The following TRAPPC8 variants were observed in gnomAD, a reference collection of about 807,000 sequenced individuals.
The protein encoded by TRAPPC8 is general sporulation gene 1 homolog.
In TRAPPC8, 54 loss-of-function variants were observed where a neutral mutation model predicts 174.3. That is an observed-to-expected ratio of 0.31 (90% CI 0.25 to 0.39). The LOEUF (loss-of-function observed/expected upper bound fraction) is 0.39. Ranked by LOEUF, TRAPPC8 falls within the 10% of genes least tolerant of loss-of-function variation. The pLI is 1.00. For synonymous variants in TRAPPC8, 630 were observed against 579.9 expected (o/e 1.09, Z -1.24); for missense variants, 1,531 against 1,699.1 (o/e 0.90, Z 1.74).
chr18:31,852,057 A>C (rs923327367), intron 24 of TRAPPC8, among the ~76,000 whole-genome samples: 12 of 152,094 alleles, frequency 7.9e-5, no homozygotes, highest in African/African-American at 1.9e-4. Context: ...GAGTCTGAGG[A>C]GGCTGGGTGC....
At chr18:31,880,054 G>C (rs1317999004) in intron 12 of TRAPPC8, among the ~76,000 whole-genome samples, 3 of 127,094 alleles carry the variant, frequency 2.4e-5, no homozygotes, top group Non-Finnish European at 3.2e-5. Context: ...ACAAAGAAGA[G>C]CTGGTACCAA....
At chr18:31,919,875 TAAAATA>T (rs2037311785) in intron 2 of TRAPPC8, among the ~76,000 whole-genome samples, 1 of 151,260 alleles carries the variant, frequency 6.6e-6, no homozygotes, top group Non-Finnish European at 1.5e-5. Context: ...AAATATAAAA[TAAAATA>T]AAAATAAAAG....
intron 12 of TRAPPC8, among the ~76,000 whole-genome samples, chr18:31,882,662 G>A (rs998501466): frequency 6.6e-6 from 1 of 151,830 alleles, no homozygotes; most frequent in African/African-American, 2.4e-5. Flanking sequence ...TGTCGCTCAG[G>A]TTGGAGTGAA....
Position 31,886,448 on chromosome 18 carries a change from T to C in TRAPPC8, c.1728+4287A>G, listed in dbSNP as rs181513271. Among the ~76,000 whole-genome samples, 6 of 152,190 alleles carry C rather than the reference T, an allele frequency of 3.9e-5. No homozygotes were observed. In the East Asian group the frequency reaches 7.7e-4, roughly 20 times the overall value. ...TAGAAAAAGAGTTGAATGTGTCTTGTGTGTTCAAGTGGATTTTCGAATGTG... is the reference window on the plus strand; with the variant it reads ...TAGAAAAAGAGTTGAATGTGTCTTGCGTGTTCAAGTGGATTTTCGAATGTG... On this transcript the variant is annotated intron_variant, in intron 12 of 28. Coordinates refer to ENST00000283351, the MANE Select transcript of TRAPPC8 (RefSeq NM_014939.5).
chr18:31,850,069 C>G (rs2033629703), intron 24 of TRAPPC8, among the ~76,000 whole-genome samples: 1 of 152,044 alleles, frequency 6.6e-6, no homozygotes, highest in African/African-American at 2.4e-5. Context: ...GTTCCCATCT[C>G]AGCCTTCCGA....
At chr18:31,864,913 T>C (rs2034514610) in intron 18 of TRAPPC8, 132 bp from the exon 19 acceptor site, 5 of 789,596 alleles carry the variant, frequency 6.3e-6, no homozygotes, top group Non-Finnish European at 7.7e-6. Context: ...ATTAACATGA[T>C]TAATCAAAGA....
intron 22 of TRAPPC8, among the ~76,000 whole-genome samples, chr18:31,853,511 G>T (rs750419630): frequency 6.6e-6 from 1 of 151,948 alleles, no homozygotes. Context: ...CAAGTGATCC[G>T]CCCATCTCAG....
In TRAPPC8 at chr18:31,897,907, C is replaced by T; in HGVS notation, c.1491-16G>A. 1.9e-6 allele frequency: 3 copies of T among 1,601,000 alleles called. No individual in the cohort carries two copies. The highest frequency in any genetic ancestry group is 1.7e-6 in the Non-Finnish European group (2 of 1,171,724). On this transcript the variant is annotated splice_polypyrimidine_tract_variant and intron_variant, in intron 10 of 28. Transcript: ENST00000283351. ...CACCATATTCCTATAGAAAAAAGGA[C>T]AAGAAGATAAAATAGCACAATAATA... is the stretch of plus-strand genomic sequence containing the variant.
intron 24 of TRAPPC8, among the ~76,000 whole-genome samples, chr18:31,850,668 T>C (rs1366361481): frequency 6.6e-6 from 1 of 152,190 alleles, no homozygotes; most frequent in Non-Finnish European, 1.5e-5. Context: ...GTATTAAATA[T>C]GAATATATAC....
At chr18:31,860,235 T>G (rs906006845) in intron 19 of TRAPPC8, among the ~76,000 whole-genome samples, 3 of 152,114 alleles carry the variant, frequency 2.0e-5, no homozygotes, top group Non-Finnish European at 4.4e-5. Context: ...TAACAGAAAA[T>G]GACTAGACAC....
At chr18:31,933,496 G>A (rs1398464591) in intron 1 of TRAPPC8, among the ~76,000 whole-genome samples, 1 of 152,092 alleles carries the variant, frequency 6.6e-6, no homozygotes. Context: ...TGATTTAGGT[G>A]AACTATTGTT....
At chr18:31,835,162 G>A (rs894329237) in intron 27 of TRAPPC8, among the ~76,000 whole-genome samples, 4 of 152,118 alleles carry the variant, frequency 2.6e-5, no homozygotes, top group African/African-American at 9.7e-5. Context: ...TTCTTTGGGG[G>A]AAAGGGGAAG....
In TRAPPC8 at chr18:31,900,996, T is replaced by C. The variant is rs371503141; in HGVS notation, c.1419A>G (p.Gln473=). The C allele has an allele frequency of 3.2e-6, 5 of 1,587,058 alleles. No homozygotes were observed. The highest frequency in any genetic ancestry group is 4.3e-6 in the Non-Finnish European group (5 of 1,172,640). The change falls in exon 10 of 29, where the codon CAA becomes CAG. Residue 473 remains glutamine (Q), a synonymous_variant. Transcript: ENST00000283351. The part of the protein sequence containing the change: ...LEMAAVSAFL[Q]PGAPRPYPAH... ...CAGGATATGGCCTAGGTGCTCCTGG[T>C]TGAAGAAAAGCAGACACTGCTGCCA...
intron 13 of TRAPPC8, 52 bp downstream of exon 13, chr18:31,874,428 C>A: frequency 2.0e-6 from 3 of 1,492,978 alleles, no homozygotes; most frequent in Non-Finnish European, 2.8e-6. Context: ...TAAATACTTT[C>A]ACACTAAAAT....
Position 31,908,411 on chromosome 18 carries a change from G to A in TRAPPC8, c.1130C>T (p.Ser377Leu). The A allele has an allele frequency of 6.4e-7, 1 of 1,559,976 alleles. No individual in the cohort carries two copies. The highest frequency in any genetic ancestry group is 8.7e-7 in the Non-Finnish European group (1 of 1,152,266). The change falls in exon 8 of 29, where the codon TCA becomes TTA. Residue 377 changes from serine to leucine, a missense_variant. Ser to Leu is a moderately radical substitution (Grantham distance 145). Coordinates refer to ENST00000283351, the MANE Select transcript of TRAPPC8 (RefSeq NM_014939.5). ...TAGAGATCGACTCAAACCTTTTCTTGATATTAGCTTTAAAAAAGAGATTAA... is the reference window on the plus strand; with the variant it reads ...TAGAGATCGACTCAAACCTTTTCTTAATATTAGCTTTAAAAAAGAGATTAA... The part of the protein sequence containing the change: ...TIRQLNDQLI[S>L]RKGLSRSLFS...
At position 31,847,227 on chromosome 18, in the gene TRAPPC8, C is replaced by T. The variant is rs560623889; in HGVS notation, c.3736-410G>A. ...GGTTTATCACACAGCTGAGCAAAAT[C>T]AGTGAGTACAATCATAAATCCTGTA... is the stretch of plus-strand genomic sequence containing the variant. On this transcript the variant is annotated intron_variant, in intron 25 of 28. Transcript: ENST00000283351. Among the ~76,000 whole-genome samples, 11 of 152,290 alleles carry T rather than the reference C, an allele frequency of 7.2e-5. No homozygotes were observed. The South Asian group carries it at 2.3e-3, about 32-fold the overall frequency.
At position 31,916,252 on chromosome 18, in the gene TRAPPC8, A is replaced by G; in HGVS notation, c.617+20T>C. 6.9e-7 allele frequency: 1 copy of G among 1,447,838 alleles called. No homozygotes were observed. The highest frequency in any genetic ancestry group is 9.1e-7 in the Non-Finnish European group (1 of 1,096,090). The allele number at this position is 1,447,838 out of a possible 1,614,324, so 89.7% of individuals were successfully genotyped here. A position where few individuals can be genotyped will look rare whatever the true frequency, so the allele number is the denominator to read the frequency against. On this transcript the variant is annotated intron_variant, in intron 4 of 28. Coordinates refer to ENST00000283351, the MANE Select transcript of TRAPPC8 (RefSeq NM_014939.5). The stretch of plus-strand genomic sequence containing the variant: ...AAATCATTTAACTGGAAAAAATTTA[A>G]AACTAAAATAAAAACTTACCTCTGT...
intron 2 of TRAPPC8, among the ~76,000 whole-genome samples, chr18:31,918,162 T>A (rs2037231083): frequency 6.6e-6 from 1 of 152,044 alleles, no homozygotes; most frequent in Admixed American, 6.6e-5. Flanking sequence ...AGTATATATG[T>A]ACACACACCT....
At position 31,829,975 on chromosome 18, in the gene TRAPPC8, ATATT is replaced by A. The variant is rs1277370178; in HGVS notation, c.*776_*779del. On this transcript the variant is annotated 3_prime_UTR_variant, in exon 29 of 29. Coordinates refer to ENST00000283351, the MANE Select transcript of TRAPPC8 (RefSeq NM_014939.5). ...AGCATGTCTTTATTCTATTTACAGT[ATATT>A]TGTTATAAATATAATACATTTTTGA... 2.0e-5 allele frequency: 3 copies of A among 152,664 alleles called. No homozygotes were observed. Among genetic ancestry groups the A allele is most frequent in the African/African-American group, 7.2e-5 (3 of 41,462 alleles). The allele number at this position is 152,664 out of a possible 1,614,324, so 9.5% of individuals were successfully genotyped here.
Sources: gnomAD v4.1 joint callset for allele counts (sites outside exome capture counted in the v4.1 genomes callset) on GRCh38, gnomAD v4.1.1 for gene constraint, MANE v1.5 for transcripts, NCBI Gene and HGNC (gene_info 2026-07-23, HGNC 2026-07-21) for gene names.